Variants in TNPO3 observed in about 807,000 individuals in gnomAD.
The protein encoded by TNPO3 is transportin 3.
In TNPO3, 65 loss-of-function variants were observed where a neutral mutation model predicts 122.8. The observed-to-expected ratio is 0.53, with a 90% CI of 0.43 to 0.65. The LOEUF (loss-of-function observed/expected upper bound fraction) is 0.65. TNPO3 is among the 30% of genes least tolerant of loss of function. The pLI is 0.00. For synonymous variants in TNPO3, 372 were observed against 411.2 expected (o/e 0.90, Z 1.15); for missense variants, 850 against 1,136.7 (o/e 0.75, Z 3.63).
chr7:129,018,028 C>A lies in TNPO3; in HGVS notation c.250G>T (p.Ala84Ser), dbSNP rs766350344. The A allele has an allele frequency of 1.2e-6, 2 of 1,614,138 alleles. No individual in the cohort carries two copies. The highest frequency in any genetic ancestry group is 1.7e-6 in the Non-Finnish European group (2 of 1,180,024). Residue 84 changes from alanine (A) to serine (S), a missense_variant, in exon 2 of 23, where the codon GCC (alanine) becomes TCC (serine). Physicochemically the swap from Ala to Ser is moderately conservative, Grantham distance 99 (BLOSUM62 1). Transcript: ENST00000265388. Reference sequence around the variant, plus strand: ...GTTAGCAATGAGTCCCGTAAAGAGGCATGAGAGTCTGTGGGGAGCTCATAA... The same window carrying A: ...GTTAGCAATGAGTCCCGTAAAGAGGAATGAGAGTCTGTGGGGAGCTCATAA... The part of the protein sequence containing the change: ...SFYELPTDSH[A>S]SLRDSLLTHI...
At chr7:129,052,493 T>C (rs1361529177) in intron 1 of TNPO3, among the ~76,000 whole-genome samples, 2 of 152,236 alleles carry the variant, frequency 1.3e-5, no homozygotes, top group Non-Finnish European at 2.9e-5. Flanking sequence ...GATTATCCTG[T>C]CAAGTGTGCC....
intron 8 of TNPO3, 36 bp downstream of exon 8, chr7:128,997,353 A>G: frequency 6.2e-7 from 1 of 1,607,180 alleles, no homozygotes; most frequent in Non-Finnish European, 8.5e-7. Context: ...CAAGAGGAAG[A>G]AATTAAGATT....
chr7:128,980,116 G>T, intron 14 of TNPO3, 85 bp from the exon 15 acceptor site: 2 of 1,170,080 alleles, frequency 1.7e-6, no homozygotes, highest in Non-Finnish European at 1.3e-6. Context: ...TGCTTACTTA[G>T]TATCATTTTC....
At chr7:129,018,587 G>T (rs1331429755) in intron 1 of TNPO3, among the ~76,000 whole-genome samples, 1 of 152,168 alleles carries the variant, frequency 6.6e-6, no homozygotes, top group Non-Finnish European at 1.5e-5. Flanking sequence ...TCCAGAAGCT[G>T]TTTTAATATA....
chr7:128,973,527 G>A (rs1431147874), intron 18 of TNPO3, among the ~76,000 whole-genome samples: 1 of 151,202 alleles, frequency 6.6e-6, no homozygotes, highest in South Asian at 2.1e-4. Flanking sequence ...ACGAGGTCAG[G>A]AGATCGAGAC....
In TNPO3 at chr7:129,015,126, A is replaced by C; in HGVS notation, c.405T>G (p.Asn135Lys). 6.2e-7 allele frequency: 1 copy of C among 1,609,496 alleles called. No individual in the cohort carries two copies. The highest frequency in any genetic ancestry group is 8.5e-7 in the Non-Finnish European group (1 of 1,179,130). The change falls in exon 4 of 23, where the codon AAT becomes AAG. Residue 135 changes from asparagine (N) to lysine (K), a missense_variant. Coordinates refer to ENST00000265388, the MANE Select transcript of TNPO3 (RefSeq NM_012470.4). ...GCAAAAAAGGCAAAGAAGTCACATC[A>C]TTGCTGTATCTGCAAAAGAAAAAAG... ...CVQTLVEKYSNDVTSLPFLLE... is the reference protein window; with the variant it reads ...CVQTLVEKYSKDVTSLPFLLE...
At chr7:129,040,009 C>CT (rs1807172418) in intron 1 of TNPO3, among the ~76,000 whole-genome samples, 2 of 152,206 alleles carry the variant, frequency 1.3e-5, no homozygotes, top group Admixed American at 1.3e-4. Context: ...AATCCCAACA[C>CT]TTTGGGAGAC....
rs745313854 is a variant in TNPO3, at chr7:128,979,017, C to A, written c.2027G>T (p.Gly676Val). 1.9e-6 allele frequency: 3 copies of A among 1,614,188 alleles called. No individual in the cohort carries two copies. In the South Asian group the frequency reaches 3.3e-5, roughly 18 times the overall value. ...LRFAVRCVGK[G>V]SAALLQPLVT... ...TAGTGGCTGCAGCAGTGCTGCAGAT[C>A]CTTTGCCTACACAGCGAACAGCAAA... Residue 676 changes from glycine to valine, a missense_variant, in exon 16 of 23, where the codon GGA becomes GTA. Transcript: ENST00000265388.
chr7:128,982,160 T>C, intron 14 of TNPO3, 88 bp downstream of exon 14: 3 of 1,134,996 alleles, frequency 2.6e-6, no homozygotes, highest in Non-Finnish European at 3.8e-6. Flanking sequence ...CTTGGAAGTA[T>C]GAGGAAAAAA....
At chr7:129,034,825 G>A (rs539540021) in intron 1 of TNPO3, among the ~76,000 whole-genome samples, 133 of 147,180 alleles carry the variant, frequency 9.0e-4, no homozygotes, top group African/African-American at 3.1e-3. Context: ...AACCCGGGAG[G>A]CAGAGCTTGC....
intron 7 of TNPO3, among the ~76,000 whole-genome samples, chr7:128,998,845 T>C (rs1394752719): frequency 6.6e-6 from 1 of 151,800 alleles, no homozygotes; most frequent in Non-Finnish European, 1.5e-5. Flanking sequence ...CCAGAAGTCT[T>C]TTTATTTTTA....
intron 4 of TNPO3, 138 bp downstream of exon 4, chr7:129,014,841 T>G (rs1360533992): frequency 6.4e-5 from 47 of 739,924 alleles, no homozygotes; most frequent in Middle Eastern, 7.3e-4. Context: ...GTTGTCATGG[T>G]AAGGTGTTAC....
At chr7:129,000,825 T>C (rs903769199) in intron 6 of TNPO3, among the ~76,000 whole-genome samples, 1 of 152,226 alleles carries the variant, frequency 6.6e-6, no homozygotes, top group Non-Finnish European at 1.5e-5. Context: ...CTTGATATTT[T>C]AAAATTTGTC....
rs560154409 is a variant in TNPO3, at chr7:129,015,128, T to C, written c.403A>G (p.Asn135Asp). The change falls in exon 4 of 23, where the codon AAT (asparagine) becomes GAT (aspartate). Residue 135 changes from asparagine to aspartate, a missense_variant. Asn to Asp is a conservative substitution (Grantham distance 23). Transcript: ENST00000265388. Reference protein sequence around the residue: ...CVQTLVEKYSNDVTSLPFLLE... With the variant: ...CVQTLVEKYSDDVTSLPFLLE... ...AAAAAAGGCAAAGAAGTCACATCAT[T>C]GCTGTATCTGCAAAAGAAAAAAGTG... The C allele has an allele frequency of 1.2e-6, 2 of 1,609,082 alleles. No individual in the cohort carries two copies. The highest frequency in any genetic ancestry group is 2.7e-5 in the African/African-American group (2 of 74,738).
At chr7:129,054,522 C>T in intron 1 of TNPO3, 129 bp downstream of exon 1, 1 of 1,428,674 alleles carries the variant, frequency 7.0e-7, no homozygotes, top group Admixed American at 2.4e-5. Flanking sequence ...GCAGCCCCAC[C>T]CCACGACAGC....
chr7:128,998,211 G>C (rs1341554673), intron 7 of TNPO3, among the ~76,000 whole-genome samples: 3 of 151,910 alleles, frequency 2.0e-5, no homozygotes, highest in Admixed American at 6.6e-5. Flanking sequence ...ACAAAAATTA[G>C]CCAGGCATGT....
chr7:128,997,401 C>T lies in TNPO3; in HGVS notation c.1146G>A (p.Leu382=), dbSNP rs1183229346. 1 of 1,614,106 alleles carries T rather than the reference C, an allele frequency of 6.2e-7. No homozygotes were observed. Among genetic ancestry groups the T allele is most frequent in the African/African-American group, 1.3e-5 (1 of 75,030 alleles). ...GAAGGGAACTTACATGGTCTGGTTC[C>T]AGCTGGCAGTGTCGAGCCAAGGCGT... The part of the protein sequence containing the change: ...LLHALARHCQ[L]EPDHEGVPEE... Residue 382 remains leucine (L), a synonymous_variant, in exon 8 of 23, where the codon CTG becomes CTA. Coordinates refer to ENST00000265388, the MANE Select transcript of TNPO3 (RefSeq NM_012470.4).
intron 1 of TNPO3, among the ~76,000 whole-genome samples, chr7:129,020,516 T>C (rs1049796223): frequency 2.4e-4 from 37 of 152,168 alleles, no homozygotes; most frequent in African/African-American, 8.2e-4. Flanking sequence ...TCTCAGCTCA[T>C]TGCAGCCTCA....
intron 21 of TNPO3, among the ~76,000 whole-genome samples, chr7:128,959,957 G>T (rs1797280499): frequency 6.6e-6 from 1 of 152,106 alleles, no homozygotes; most frequent in African/African-American, 2.4e-5. Flanking sequence ...GGGGGTGGAG[G>T]TTGCAGTGAG....
Sources: gnomAD v4.1 joint callset for allele counts (sites outside exome capture counted in the v4.1 genomes callset) on GRCh38, gnomAD v4.1.1 for gene constraint, MANE v1.5 for transcripts, NCBI Gene and HGNC (gene_info 2026-07-23, HGNC 2026-07-21) for gene names.